KCNB2: variants seen among roughly 807,000 people sequenced by gnomAD.
KCNB2 encodes delayed rectifier potassium channel protein.
KCNB2 carries 15 observed loss-of-function variants against 61.5 expected under a neutral mutation model. That is an observed-to-expected ratio of 0.24 (90% CI 0.16 to 0.38). The LOEUF is 0.38. Among genes scored for constraint, KCNB2 ranks in the 10% least tolerant of loss-of-function variants. The pLI, the probability that KCNB2 is intolerant of heterozygous loss-of-function variation, is 1.00. For synonymous variants in KCNB2, 457 were observed against 446.0 expected (o/e 1.02, Z -0.31); for missense variants, 828 against 1,125.2 (o/e 0.74, Z 3.78).
chr8:72,562,375 T>A (rs1022130767), intron 1 of KCNB2, among the ~76,000 whole-genome samples: 7 of 152,172 alleles, frequency 4.6e-5, no homozygotes, highest in South Asian at 4.1e-4. Flanking sequence ...GGTGGCAGCA[T>A]AATGCCACGC....
intron 2 of KCNB2, among the ~76,000 whole-genome samples, chr8:72,885,778 T>TAC (rs200850540): frequency 0.015 from 2,223 of 152,292 alleles, 52 homozygotes; most frequent in African/African-American, 0.05. Context: ...TTTCTTCTGC[T>TAC]ACAATTTTGA....
chr8:72,613,072 T>G lies in KCNB2; in HGVS notation c.579+44759T>G, dbSNP rs188257254. ...GGAATAAAAGAAAACTAGATAACAA[T>G]GGCTCAAGAACTGCCCCATGGTTAC... is the stretch of plus-strand genomic sequence containing the variant. On this transcript the variant is annotated intron_variant, in intron 2 of 2. Coordinates refer to ENST00000523207, the MANE Select transcript of KCNB2 (RefSeq NM_004770.3). 8.9e-4 allele frequency among the ~76,000 whole-genome samples: 135 copies of G among 152,286 alleles called. 2 individuals are homozygous for G. Among genetic ancestry groups the G allele is most frequent in the African/African-American group, 3.2e-3 (135 of 41,562 alleles).
chr8:72,708,568 G>A (rs966900348), intron 2 of KCNB2, among the ~76,000 whole-genome samples: 2 of 152,108 alleles, frequency 1.3e-5, no homozygotes, highest in Non-Finnish European at 2.9e-5. Flanking sequence ...AAATCTCCCT[G>A]CAAGCTTTTC....
intron 2 of KCNB2, among the ~76,000 whole-genome samples, chr8:72,896,578 C>T (rs1805992883): frequency 6.6e-6 from 1 of 152,066 alleles, no homozygotes; most frequent in Non-Finnish European, 1.5e-5. Context: ...TGTAAATATA[C>T]AAAGGTTATC....
intron 2 of KCNB2, among the ~76,000 whole-genome samples, chr8:72,629,099 C>T (rs1805839624): frequency 6.6e-6 from 1 of 152,178 alleles, no homozygotes; most frequent in South Asian, 2.1e-4. Flanking sequence ...GCATTCGTGT[C>T]ACACAATAGT....
At chr8:72,614,030 G>A (rs948009647) in intron 2 of KCNB2, among the ~76,000 whole-genome samples, 2 of 152,162 alleles carry the variant, frequency 1.3e-5, no homozygotes, top group Non-Finnish European at 2.9e-5. Context: ...GGATTCTCCT[G>A]TAGAAATGCT....
chr8:72,631,106 A>T (rs1805872359), intron 2 of KCNB2, among the ~76,000 whole-genome samples: 1 of 152,236 alleles, frequency 6.6e-6, no homozygotes. Context: ...CAGTTAATAT[A>T]CTGCAATAAA....
At chr8:72,586,656 T>C (rs554079014) in intron 2 of KCNB2, among the ~76,000 whole-genome samples, 1 of 152,314 alleles carries the variant, frequency 6.6e-6, no homozygotes, top group South Asian at 2.1e-4. Flanking sequence ...GCTCTCATTC[T>C]TACTTTTGAG....
intron 2 of KCNB2, among the ~76,000 whole-genome samples, chr8:72,697,420 A>G (rs1242442192): frequency 1.3e-5 from 2 of 152,156 alleles, no homozygotes; most frequent in East Asian, 1.9e-4. Context: ...CTCACATGCT[A>G]TTCAACAAAG....
At chr8:72,572,981 G>A (rs1563526992) in intron 2 of KCNB2, among the ~76,000 whole-genome samples, 1 of 152,262 alleles carries the variant, frequency 6.6e-6, no homozygotes, top group East Asian at 1.9e-4. Flanking sequence ...GATCAAGTCG[G>A]GAGCTGCTGG....
At chr8:72,603,692 A>T (rs901447215) in intron 2 of KCNB2, among the ~76,000 whole-genome samples, 2 of 151,910 alleles carry the variant, frequency 1.3e-5, no homozygotes, top group African/African-American at 2.4e-5. Context: ...CCTTCTAAAA[A>T]CTCAGAATGT....
At chr8:72,897,880 G>C (rs762235193) in intron 2 of KCNB2, among the ~76,000 whole-genome samples, 1 of 152,230 alleles carries the variant, frequency 6.6e-6, no homozygotes, top group African/African-American at 2.4e-5. Context: ...GGTGCACCCT[G>C]TTCTCAGATA....
intron 2 of KCNB2, among the ~76,000 whole-genome samples, chr8:72,727,934 T>C (rs1381244000): frequency 6.6e-6 from 1 of 152,200 alleles, no homozygotes; most frequent in Non-Finnish European, 1.5e-5. Context: ...TTTTTCCATT[T>C]ATAGACTTTA....
chr8:72,650,125 T>G (rs1806191182), intron 2 of KCNB2, among the ~76,000 whole-genome samples: 1 of 152,212 alleles, frequency 6.6e-6, no homozygotes. Flanking sequence ...AGTTAATTAT[T>G]TAAATGAAAT....
chr8:72,561,789 A>ATATATATATG lies in KCNB2; in HGVS notation c.-93-5853_-93-5852insTATATATATG, dbSNP rs1491494090. Among the ~76,000 whole-genome samples, 35 of 33,558 alleles carry ATATATATATG rather than the reference A, an allele frequency of 1.0e-3. 1 individual carries two copies. The highest frequency in any genetic ancestry group is 5.6e-3 in the South Asian group (9 of 1,594). 22.0% of individuals were successfully genotyped at this position (33,558 alleles called of 152,430 possible). A position where few individuals can be genotyped will look rare whatever the true frequency, so the allele number is the denominator to read the frequency against. Reference sequence around the variant, plus strand: ...TATATATATATATGGATATATATATACATATATATATATATGAATGATAGT... The same window carrying ATATATATATG: ...TATATATATATATGGATATATATATATATATATATGCATATATATATATATGAATGATAGT... On this transcript the variant is annotated intron_variant, in intron 1 of 2. Transcript: ENST00000523207.
intron 2 of KCNB2, among the ~76,000 whole-genome samples, chr8:72,913,472 C>T (rs933329429): frequency 1.6e-4 from 25 of 152,272 alleles, no homozygotes; most frequent in African/African-American, 5.5e-4. Context: ...TATAGAAATA[C>T]CAAGGTACTT....
intron 2 of KCNB2, among the ~76,000 whole-genome samples, chr8:72,617,018 G>C (rs940376474): frequency 2.0e-5 from 3 of 152,182 alleles, no homozygotes; most frequent in Non-Finnish European, 4.4e-5. Context: ...CTCGAGCCAG[G>C]TGTCTGCTCA....
intron 2 of KCNB2, among the ~76,000 whole-genome samples, chr8:72,819,195 G>T (rs1289780371): frequency 6.6e-6 from 1 of 151,670 alleles, no homozygotes; most frequent in Admixed American, 6.6e-5. Context: ...GACTTCCCAA[G>T]ACCCATTTTG....
chr8:72,935,926 CT>C lies in KCNB2; in HGVS notation c.580-5del, dbSNP rs769248350. 13 of 1,606,660 alleles carry C rather than the reference CT, an allele frequency of 8.1e-6. No individual in the cohort carries two copies. In the East Asian group the frequency reaches 2.7e-4, roughly 33 times the overall value. ...AGGATTTGCTGACTTGGACTTTTCT[CT>C]TTTCCAGATCCTGGCCATCGTGTCT... On this transcript the variant is annotated splice_region_variant and splice_polypyrimidine_tract_variant and intron_variant, in intron 2 of 2. Coordinates refer to ENST00000523207, the MANE Select transcript of KCNB2 (RefSeq NM_004770.3).
Sources: gnomAD v4.1 joint callset for allele counts (sites outside exome capture counted in the v4.1 genomes callset) on GRCh38, gnomAD v4.1.1 for gene constraint, MANE v1.5 for transcripts, NCBI Gene and HGNC (gene_info 2026-07-23, HGNC 2026-07-21) for gene names.